CCDC3: variants seen among roughly 807,000 people sequenced by gnomAD.
CCDC3 encodes coiled-coil domain-containing protein 3.
Under a neutral mutation model 21.4 loss-of-function variants are expected in CCDC3, and 24 were observed. The observed-to-expected ratio is 1.12, with a 90% CI of 0.81 to 1.58. The LOEUF (loss-of-function observed/expected upper bound fraction) is 1.58. CCDC3 is among the 40% of genes most tolerant of loss of function. CCDC3 has a pLI of 0.00. For synonymous variants in CCDC3, 186 were observed against 166.0 expected, an observed-to-expected ratio of 1.12 and a Z score of -0.93; for missense variants, 425 against 360.9, an observed-to-expected ratio of 1.18 and a Z score of -1.44.
chr10:13,022,830 G>T (rs1836163982), intron 5 of CCDC3, among the ~76,000 whole-genome samples: 1 of 152,180 alleles, frequency 6.6e-6, no homozygotes, highest in African/African-American at 2.4e-5. Context: ...TACTGTGAAA[G>T]AAATTATAAA....
intron 5 of CCDC3, among the ~76,000 whole-genome samples, chr10:13,006,946 A>G (rs1835931385): frequency 2.0e-5 from 3 of 152,180 alleles, no homozygotes; most frequent in Admixed American, 2.0e-4. Context: ...ATCATGATCA[A>G]CTATCCACTG....
At position 12,951,273 on chromosome 10, in the gene CCDC3, G is replaced by A. The variant is rs1399555975; in HGVS notation, c.549+47065C>T. On this transcript the variant is annotated intron_variant, in intron 2 of 2. Coordinates refer to ENST00000378825, the MANE Select transcript of CCDC3 (RefSeq NM_031455.4). Reference sequence around the variant, plus strand: ...CACCTGTAGTCCCAGGTACTCGGGAGGCTGAAGCAGTAGGCCAAGCTAGAG... The same window carrying A: ...CACCTGTAGTCCCAGGTACTCGGGAAGCTGAAGCAGTAGGCCAAGCTAGAG... Among the ~76,000 whole-genome samples the A allele has an allele frequency of 2.0e-5, 3 of 152,098 alleles. No individual in the cohort carries two copies. In the East Asian group the frequency reaches 5.8e-4, roughly 29 times the overall value.
chr10:12,903,202 G>T (rs981648270), intron 2 of CCDC3, among the ~76,000 whole-genome samples: 4 of 152,208 alleles, frequency 2.6e-5, no homozygotes, highest in Admixed American at 2.0e-4. Context: ...CCTGTGTCAT[G>T]TGAATTGAGG....
intron 3 of CCDC3, among the ~76,000 whole-genome samples, chr10:13,074,723 C>T (rs1193529357): frequency 6.6e-6 from 1 of 152,150 alleles, no homozygotes; most frequent in African/African-American, 2.4e-5. Context: ...CACACACTCA[C>T]ATGAGTTCCC....
intron 5 of CCDC3, among the ~76,000 whole-genome samples, chr10:13,036,011 A>AG (rs1164532406): frequency 1.3e-5 from 2 of 152,060 alleles, no homozygotes; most frequent in Non-Finnish European, 2.9e-5. Flanking sequence ...AGGTGTGGTG[A>AG]TATGCACCTG....
At chr10:13,054,086 A>T (rs1836648063) in intron 4 of CCDC3, among the ~76,000 whole-genome samples, 1 of 148,820 alleles carries the variant, frequency 6.7e-6, no homozygotes, top group African/African-American at 2.5e-5. Flanking sequence ...GGCAGGTTGC[A>T]GTGAGCCGAG....
At chr10:13,004,262 ATAAT>A (rs1006255719), upstream of CCDC3, among the ~76,000 whole-genome samples, 3 of 136,146 alleles carry the variant, frequency 2.2e-5, no homozygotes, top group Admixed American at 2.1e-4. Flanking sequence ...AACTGACACT[ATAAT>A]TAAGTCTTCA....
At chr10:12,962,655 C>A (rs1835197790) in intron 2 of CCDC3, among the ~76,000 whole-genome samples, 1 of 152,168 alleles carries the variant, frequency 6.6e-6, no homozygotes, top group African/African-American at 2.4e-5. Context: ...GAACGGCTTA[C>A]AACTGTCACT....
At chr10:12,941,533 A>T (rs1834831199) in intron 2 of CCDC3, among the ~76,000 whole-genome samples, 1 of 152,192 alleles carries the variant, frequency 6.6e-6, no homozygotes. Flanking sequence ...TTGGCACTGA[A>T]TACAAATGTT....
chr10:13,084,493 G>A (rs1294898788), intron 3 of CCDC3, among the ~76,000 whole-genome samples: 1 of 151,990 alleles, frequency 6.6e-6, no homozygotes, highest in African/African-American at 2.4e-5. Context: ...CTCCATGTTG[G>A]TCAGTCTGGT....
chr10:13,005,901 T>C (rs672808), upstream of CCDC3, among the ~76,000 whole-genome samples: 121,860 of 151,610 alleles, frequency 0.8, 49,946 homozygotes, highest in Non-Finnish European at 0.88. Flanking sequence ...AGGCTGAACA[T>C]ACATTCTCCC....
intron 3 of CCDC3, among the ~76,000 whole-genome samples, chr10:13,076,153 GT>G: frequency 6.6e-6 from 1 of 152,230 alleles, no homozygotes; most frequent in Non-Finnish European, 1.5e-5. Flanking sequence ...GGCTAACTCA[GT>G]ATGGGCAGAA....
chr10:13,093,025 CCTT>C (rs1354493100), intron 3 of CCDC3, among the ~76,000 whole-genome samples: 1 of 124,716 alleles, frequency 8.0e-6, no homozygotes, highest in African/African-American at 2.9e-5. Context: ...GAACCCCTCA[CCTT>C]TTTTTTTTTT....
At chr10:12,985,062 T>C (rs1376861718) in intron 2 of CCDC3, among the ~76,000 whole-genome samples, 3 of 152,232 alleles carry the variant, frequency 2.0e-5, no homozygotes, top group Admixed American at 2.0e-4. Context: ...TATTCATAGC[T>C]ATAGATTTTT....
chr10:13,037,543 T>C (rs1316211173), intron 5 of CCDC3, among the ~76,000 whole-genome samples: 4 of 152,192 alleles, frequency 2.6e-5, no homozygotes, highest in Non-Finnish European at 5.9e-5. Flanking sequence ...ATCTCTCTCC[T>C]CCCTTTTTCT....
intron 3 of CCDC3, among the ~76,000 whole-genome samples, chr10:13,082,214 A>C (rs896788076): frequency 3.3e-5 from 5 of 152,204 alleles, no homozygotes; most frequent in Non-Finnish European, 7.3e-5. Context: ...TTTATTGGAT[A>C]CAAGACAAGG....
At chr10:12,948,257 C>T (rs1834950585) in intron 2 of CCDC3, among the ~76,000 whole-genome samples, 1 of 151,940 alleles carries the variant, frequency 6.6e-6, no homozygotes. Flanking sequence ...TGTGAGGCCT[C>T]CCCAGCCACA....
intron 5 of CCDC3, among the ~76,000 whole-genome samples, chr10:13,033,912 A>T (rs1045812994): frequency 1.3e-5 from 2 of 152,252 alleles, no homozygotes; most frequent in African/African-American, 4.8e-5. Context: ...AACTAGTTCA[A>T]CCACTGTGGA....
At chr10:13,087,143 G>A (rs1327093609) in intron 3 of CCDC3, among the ~76,000 whole-genome samples, 3 of 152,156 alleles carry the variant, frequency 2.0e-5, no homozygotes, top group African/African-American at 4.8e-5. Flanking sequence ...GGTGGCTCAC[G>A]CCTGTAATCC....
Sources: allele counts gnomAD v4.1 joint callset (sites outside exome capture counted in the v4.1 genomes callset), GRCh38; gene constraint gnomAD v4.1.1; transcripts MANE v1.5; gene names NCBI Gene and HGNC (gene_info 2026-07-23, HGNC 2026-07-21).